The following EPHB1 variants were observed in gnomAD, a reference collection of about 807,000 sequenced individuals.
The protein encoded by EPHB1 is ephrin type-B receptor 1.
In EPHB1, 30 loss-of-function variants were observed where a neutral mutation model predicts 94.4. The observed-to-expected ratio is 0.32, with a 90% CI of 0.24 to 0.43. The LOEUF (loss-of-function observed/expected upper bound fraction) is 0.43, where lower values mean the gene tolerates loss of function less well. Ranked by LOEUF, EPHB1 falls within the 20% of genes least tolerant of loss-of-function variation. The pLI is 1.00. For synonymous variants in EPHB1, 522 were observed against 489.1 expected (o/e 1.07, Z -0.89); for missense variants, 1,055 against 1,308.3 (o/e 0.81, Z 2.99).
At chr3:135,188,203 T>A (rs4894259) in intron 10 of EPHB1, among the ~76,000 whole-genome samples, 21,457 of 92,924 alleles carry the variant, frequency 0.23, 1,676 homozygotes, top group East Asian at 0.47. Flanking sequence ...TCTAAAAAAA[T>A]AAATAAATAA....
chr3:135,114,084 C>T (rs774281017), intron 4 of EPHB1, among the ~76,000 whole-genome samples: 44 of 152,192 alleles, frequency 2.9e-4, no homozygotes, highest in Non-Finnish European at 3.4e-4. Flanking sequence ...TGTTTGTCCC[C>T]TCAGGAAATG....
chr3:134,864,428 C>G (rs112533616), intron 1 of EPHB1, among the ~76,000 whole-genome samples: 6 of 152,216 alleles, frequency 3.9e-5, no homozygotes, highest in Non-Finnish European at 7.3e-5. Flanking sequence ...TTGCAAGCCC[C>G]TTCTGCTCTC....
intron 4 of EPHB1, among the ~76,000 whole-genome samples, chr3:135,112,704 A>G (rs1037728587): frequency 1.5e-4 from 23 of 151,676 alleles, no homozygotes; most frequent in African/African-American, 5.6e-4. Context: ...CCATGTCCCT[A>G]CAAAGGACAT....
chr3:134,925,923 C>T, intron 2 of EPHB1, 43 bp downstream of exon 2: 1 of 1,542,232 alleles, frequency 6.5e-7, no homozygotes, highest in Non-Finnish European at 8.8e-7. Context: ...CTATGAGGTC[C>T]TGGATCCATA....
intron 12 of EPHB1, among the ~76,000 whole-genome samples, chr3:135,212,648 C>T (rs1428278408): frequency 1.3e-5 from 2 of 152,288 alleles, no homozygotes; most frequent in East Asian, 1.9e-4. Context: ...CCTCAACTCT[C>T]CAGCAGCCCT....
intron 1 of EPHB1, among the ~76,000 whole-genome samples, chr3:134,844,424 C>T (rs1432091276): frequency 6.6e-6 from 1 of 152,204 alleles, no homozygotes; most frequent in Admixed American, 6.5e-5. Flanking sequence ...GCTATGTTGG[C>T]TCCTCTCTGG....
At chr3:135,072,775 A>G (rs80328727) in intron 3 of EPHB1, among the ~76,000 whole-genome samples, 3 of 152,206 alleles carry the variant, frequency 2.0e-5, no homozygotes, top group Non-Finnish European at 4.4e-5. Context: ...AAGTGAATCC[A>G]TATATGAAAC....
chr3:134,994,716 G>A (rs1217711958), intron 3 of EPHB1, among the ~76,000 whole-genome samples: 2 of 152,116 alleles, frequency 1.3e-5, no homozygotes, highest in Non-Finnish European at 2.9e-5. Flanking sequence ...ATGCCACAGT[G>A]CCCAGCCTAT....
chr3:134,795,526 G>C lies in EPHB1; in HGVS notation c.-106G>C. 1.8e-6 allele frequency: 2 copies of C among 1,102,204 alleles called. No individual in the cohort carries two copies. Among genetic ancestry groups the C allele is most frequent in the Non-Finnish European group, 2.6e-6 (2 of 767,772 alleles). The allele number at this position is 1,102,204 out of a possible 1,614,324, so 68.3% of individuals were successfully genotyped here. A position where few individuals can be genotyped will look rare whatever the true frequency, so the allele number is the denominator to read the frequency against. ...TCCGGTCCGGGCGAGAGCGCGAAAG[G>C]ATACCGAGAAGCCACCCGCGGAGAG... On this transcript the variant is annotated 5_prime_UTR_variant, in exon 1 of 16. Coordinates refer to ENST00000398015, the MANE Select transcript of EPHB1 (RefSeq NM_004441.5).
At chr3:134,932,133 G>T (rs1184007573) in intron 2 of EPHB1, among the ~76,000 whole-genome samples, 1 of 152,092 alleles carries the variant, frequency 6.6e-6, no homozygotes, top group East Asian at 1.9e-4. Context: ...AATAACGGGA[G>T]GATTATTAGA....
chr3:135,118,175 AGCCGT>A (rs1939789793), intron 4 of EPHB1, among the ~76,000 whole-genome samples: 1 of 152,208 alleles, frequency 6.6e-6, no homozygotes, highest in Non-Finnish European at 1.5e-5. Context: ...CCATGAGGTC[AGCCGT>A]GCCCATACCC....
chr3:134,855,697 C>T (rs1197071588), intron 1 of EPHB1, among the ~76,000 whole-genome samples: 1 of 152,072 alleles, frequency 6.6e-6, no homozygotes. Flanking sequence ...GTTTTCCTTC[C>T]CATAGTCCTT....
intron 10 of EPHB1, among the ~76,000 whole-genome samples, chr3:135,180,373 C>G (rs1435241075): frequency 2.0e-5 from 3 of 152,202 alleles, no homozygotes; most frequent in Non-Finnish European, 4.4e-5. Context: ...GTCAAGATAT[C>G]TTGCCATACT....
intron 3 of EPHB1, among the ~76,000 whole-genome samples, chr3:135,085,571 C>T (rs956271757): frequency 3.3e-5 from 5 of 152,198 alleles, no homozygotes; most frequent in Non-Finnish European, 7.3e-5. Context: ...GTGCCTGCCT[C>T]AGATGGAATC....
intron 4 of EPHB1, among the ~76,000 whole-genome samples, chr3:135,128,147 T>C (rs529697003): frequency 1.3e-5 from 2 of 152,366 alleles, no homozygotes; most frequent in South Asian, 4.1e-4. Flanking sequence ...GCCCTGCCAC[T>C]GCATTCACTG....
chr3:134,867,462 G>A (rs2037404322), intron 1 of EPHB1, among the ~76,000 whole-genome samples: 1 of 152,138 alleles, frequency 6.6e-6, no homozygotes, highest in South Asian at 2.1e-4. Flanking sequence ...TAGGAGCTGG[G>A]CAGGGGCCAA....
At chr3:135,225,607 AT>A (rs1478688971) in intron 12 of EPHB1, among the ~76,000 whole-genome samples, 1 of 152,118 alleles carries the variant, frequency 6.6e-6, no homozygotes, top group African/African-American at 2.4e-5. Flanking sequence ...GACTCTCAAG[AT>A]TCCATAAAAC....
chr3:135,003,652 G>A (rs1200503097), intron 3 of EPHB1, among the ~76,000 whole-genome samples: 4 of 152,108 alleles, frequency 2.6e-5, no homozygotes, highest in Non-Finnish European at 4.4e-5. Context: ...CCTGTATTGG[G>A]TGCATACATA....
chr3:134,921,145 CTTCTCCTTT>C (rs2038677530), intron 1 of EPHB1, among the ~76,000 whole-genome samples: 1 of 152,144 alleles, frequency 6.6e-6, no homozygotes, highest in African/African-American at 2.4e-5. Flanking sequence ...CTTAGCCTCC[CTTCTCCTTT>C]TGCTCACTGT....
Sources: allele counts gnomAD v4.1 joint callset (sites outside exome capture counted in the v4.1 genomes callset), GRCh38; gene constraint gnomAD v4.1.1; transcripts MANE v1.5; gene names NCBI Gene and HGNC (gene_info 2026-07-23, HGNC 2026-07-21).